DPP6: variants seen among roughly 807,000 people sequenced by gnomAD.
DPP6 encodes the protein A-type potassium channel modulatory protein DPP6.
In DPP6, 69 loss-of-function variants were observed where a neutral mutation model predicts 122.6. The ratio of observed to expected loss-of-function variants is 0.56; its 90% confidence interval spans 0.46 to 0.69. The LOEUF is 0.69. DPP6 is among the 30% of genes least tolerant of loss of function. The probability of loss-of-function intolerance (pLI) is 0.00; values close to 1 mark genes in which losing one functional copy is unlikely to be tolerated. For synonymous variants in DPP6, 418 were observed against 433.1 expected (o/e 0.97, Z 0.43); for missense variants, 928 against 1,116.9 (o/e 0.83, Z 2.41).
the DPP6 span, among the ~76,000 whole-genome samples, chr7:153,831,463 G>A: frequency 6.6e-6 from 1 of 152,250 alleles, no homozygotes; most frequent in South Asian, 2.1e-4. Flanking sequence ...GGGACAGAGA[G>A]GAGGTCAGTG....
At chr7:154,316,091 C>T (rs1420770898) in intron 1 of DPP6, among the ~76,000 whole-genome samples, 1 of 152,182 alleles carries the variant, frequency 6.6e-6, no homozygotes, top group Non-Finnish European at 1.5e-5. Context: ...ACTATTTATT[C>T]ATCGAATGAA....
exon 1 of DPP6, chr7:153,887,685 T>G: frequency 6.2e-7 from 1 of 1,613,578 alleles, no homozygotes; most frequent in Non-Finnish European, 8.5e-7. Flanking sequence ...TGGGGCAAAA[T>G]GAAGGAAAAG....
At chr7:154,101,358 A>G (rs1388111709) in intron 1 of DPP6, among the ~76,000 whole-genome samples, 2 of 146,402 alleles carry the variant, frequency 1.4e-5, no homozygotes, top group Non-Finnish European at 3.0e-5. Flanking sequence ...CTGTGATTTC[A>G]CTCTTTCTCT....
At position 154,613,427 on chromosome 7, in the gene DPP6, C is replaced by G. The variant is rs367864810; in HGVS notation, c.628-24394C>G. Among the ~76,000 whole-genome samples the G allele has an allele frequency of 2.9e-4, 44 of 151,964 alleles. No homozygotes were observed. In the East Asian group the frequency reaches 5.8e-3, roughly 20 times the overall value. ...CTGAGGTCGGGAGTTTGAAACCAGC[C>G]TGACCAACATGGTGAAACCCCGTCT... On this transcript the variant is annotated intron_variant, in intron 5 of 25. Transcript: ENST00000377770.
intron 1 of DPP6, among the ~76,000 whole-genome samples, chr7:154,302,106 G>C (rs1304811398): frequency 6.6e-6 from 1 of 152,090 alleles, no homozygotes; most frequent in Non-Finnish European, 1.5e-5. Flanking sequence ...TAGGTACAAG[G>C]TTGTACAGCA....
At chr7:153,905,551 T>A (rs925106433) in intron 1 of DPP6, among the ~76,000 whole-genome samples, 3 of 151,962 alleles carry the variant, frequency 2.0e-5, no homozygotes, top group African/African-American at 7.3e-5. Context: ...ACATTGTCAA[T>A]CCAAGGCAGA....
chr7:154,677,651 G>C (rs870253), intron 7 of DPP6, among the ~76,000 whole-genome samples: 3,371 of 152,278 alleles, frequency 0.022, 51 homozygotes, highest in Admixed American at 0.034. Context: ...GCGTCTGCAC[G>C]GGGAGGAGCG....
chr7:153,793,699 T>A, the DPP6 span, among the ~76,000 whole-genome samples: 2 of 150,008 alleles, frequency 1.3e-5, no homozygotes, highest in Admixed American at 1.3e-4. Context: ...TGGTAGCCCC[T>A]CTCATCACAG....
chr7:154,217,716 C>A (rs1473601092), intron 1 of DPP6, among the ~76,000 whole-genome samples: 1 of 152,192 alleles, frequency 6.6e-6, no homozygotes, highest in East Asian at 1.9e-4. Flanking sequence ...GGCTGTGGTC[C>A]CATCTCATCC....
chr7:154,355,677 G>A (rs1236163834), intron 1 of DPP6, among the ~76,000 whole-genome samples: 1 of 152,132 alleles, frequency 6.6e-6, no homozygotes, highest in South Asian at 2.1e-4. Flanking sequence ...GTGACAGGTG[G>A]ATCTAGTTTT....
the DPP6 span, among the ~76,000 whole-genome samples, chr7:153,760,511 C>T: frequency 6.6e-6 from 1 of 152,064 alleles, no homozygotes; most frequent in East Asian, 1.9e-4. Flanking sequence ...TATTCCTAAA[C>T]CTACTTCAGA....
At chr7:153,957,293 G>A (rs889583336) in intron 1 of DPP6, among the ~76,000 whole-genome samples, 7 of 152,142 alleles carry the variant, frequency 4.6e-5, no homozygotes, top group African/African-American at 1.4e-4. Context: ...CTTGCACTCC[G>A]AACCCTCCCC....
chr7:153,894,805 A>G (rs775969286), intron 1 of DPP6, among the ~76,000 whole-genome samples: 3 of 152,214 alleles, frequency 2.0e-5, no homozygotes, highest in Non-Finnish European at 1.5e-5. Context: ...ATGCAGAACC[A>G]GTGGATCAGA....
intron 7 of DPP6, among the ~76,000 whole-genome samples, chr7:154,675,587 T>G (rs1157225329): frequency 2.0e-5 from 3 of 152,170 alleles, no homozygotes; most frequent in Non-Finnish European, 4.4e-5. Context: ...TCTTATGCAC[T>G]CGTTTGTTTA....
the DPP6 span, among the ~76,000 whole-genome samples, chr7:153,779,273 T>A: frequency 2.0e-5 from 3 of 148,356 alleles, no homozygotes; most frequent in South Asian, 6.4e-4. Flanking sequence ...TGGTGTCAGA[T>A]AATCAGTAAG....
intron 1 of DPP6, among the ~76,000 whole-genome samples, chr7:153,914,530 A>G (rs977586707): frequency 4.6e-5 from 7 of 152,098 alleles, no homozygotes; most frequent in African/African-American, 1.7e-4. Flanking sequence ...AGCTTTATTG[A>G]GTTATTGTTT....
chr7:153,873,844 A>C, the DPP6 span, among the ~76,000 whole-genome samples: 1 of 152,240 alleles, frequency 6.6e-6, no homozygotes, highest in Non-Finnish European at 1.5e-5. Flanking sequence ...GAGGTAGAGA[A>C]ATATAGGGGT....
At chr7:154,237,053 A>G (rs1325779382) in intron 1 of DPP6, among the ~76,000 whole-genome samples, 1 of 152,172 alleles carries the variant, frequency 6.6e-6, no homozygotes, top group Non-Finnish European at 1.5e-5. Flanking sequence ...ATTGAGGTCC[A>G]AACAACTAGT....
intron 1 of DPP6, among the ~76,000 whole-genome samples, chr7:154,377,243 T>C (rs1813207336): frequency 6.6e-6 from 1 of 151,964 alleles, no homozygotes; most frequent in African/African-American, 2.4e-5. Context: ...CCGGAGGAAA[T>C]GTTCCAAGAA....
Sources: gnomAD v4.1 joint callset for allele counts (sites outside exome capture counted in the v4.1 genomes callset) on GRCh38, gnomAD v4.1.1 for gene constraint, MANE v1.5 for transcripts, NCBI Gene and HGNC (gene_info 2026-07-23, HGNC 2026-07-21) for gene names.